CSGALNACT1: variants seen among roughly 807,000 people sequenced by gnomAD.
The protein encoded by CSGALNACT1 is beta4GalNAcT-1.
In CSGALNACT1, 52 loss-of-function variants were observed where a neutral mutation model predicts 51.0. The ratio of observed to expected loss-of-function variants is 1.02; its 90% CI spans 0.82 to 1.29. CSGALNACT1 has a LOEUF of 1.29. CSGALNACT1 is among the 50% of genes most tolerant of loss of function. The pLI is 0.00. For missense variants in CSGALNACT1, 935 were observed against 679.2 expected (o/e 1.38, Z -4.19); for synonymous variants, 341 against 254.4 (o/e 1.34, Z -3.24).
At chr8:19,461,385 T>A (rs1408278899) in intron 4 of CSGALNACT1, among the ~76,000 whole-genome samples, 1 of 152,104 alleles carries the variant, frequency 6.6e-6, no homozygotes, top group African/African-American at 2.4e-5. Flanking sequence ...TGGGGCTGAG[T>A]CTGAAAGCAG....
At chr8:19,436,344 G>C (rs1219041543) in intron 6 of CSGALNACT1, among the ~76,000 whole-genome samples, 1 of 152,136 alleles carries the variant, frequency 6.6e-6, no homozygotes, top group Non-Finnish European at 1.5e-5. Flanking sequence ...CTAACACTGT[G>C]AGTCTAGACC....
intron 1 of CSGALNACT1, among the ~76,000 whole-genome samples, chr8:19,631,058 G>A (rs1269699502): frequency 6.6e-6 from 1 of 152,170 alleles, no homozygotes; most frequent in East Asian, 1.9e-4. Flanking sequence ...ACTTGTAACA[G>A]ACCATTTGTA....
intron 5 of CSGALNACT1, among the ~76,000 whole-genome samples, chr8:19,454,007 A>G (rs1196647297): frequency 6.6e-6 from 1 of 152,170 alleles, no homozygotes; most frequent in Non-Finnish European, 1.5e-5. Flanking sequence ...AAGACTAATG[A>G]AGGAATTTTT....
chr8:19,500,071 G>A (rs893358332), intron 4 of CSGALNACT1, among the ~76,000 whole-genome samples: 1 of 152,176 alleles, frequency 6.6e-6, no homozygotes, highest in East Asian at 1.9e-4. Flanking sequence ...ATCAGCAAAC[G>A]CATGGAGATA....
intron 1 of CSGALNACT1, among the ~76,000 whole-genome samples, chr8:19,652,805 T>C (rs562895081): frequency 6.6e-6 from 1 of 152,312 alleles, no homozygotes; most frequent in East Asian, 1.9e-4. Context: ...GCTATTAACA[T>C]ACTTGACTTC....
intron 3 of CSGALNACT1, among the ~76,000 whole-genome samples, chr8:19,580,086 A>G (rs946839268): frequency 6.6e-6 from 1 of 152,220 alleles, no homozygotes; most frequent in South Asian, 2.1e-4. Context: ...AGCATTCACT[A>G]ATTCCTGGCC....
chr8:19,750,694 G>C (rs2064975196), intron 1 of CSGALNACT1, among the ~76,000 whole-genome samples: 1 of 152,162 alleles, frequency 6.6e-6, no homozygotes, highest in South Asian at 2.1e-4. Context: ...CACCACCAAA[G>C]TCTCAAACCC....
intron 6 of CSGALNACT1, among the ~76,000 whole-genome samples, chr8:19,426,973 T>C (rs1449953945): frequency 6.6e-6 from 1 of 152,236 alleles, no homozygotes; most frequent in African/African-American, 2.4e-5. Flanking sequence ...ATCCAATGTA[T>C]GATTTTAAAT....
At chr8:19,423,890 G>C (rs185823081) in intron 6 of CSGALNACT1, among the ~76,000 whole-genome samples, 67 of 152,328 alleles carry the variant, frequency 4.4e-4, no homozygotes, top group African/African-American at 1.6e-3. Context: ...AGGCTGCACA[G>C]AAAGCCCTGG....
At chr8:19,498,491 C>T (rs2075859418) in intron 4 of CSGALNACT1, among the ~76,000 whole-genome samples, 1 of 152,168 alleles carries the variant, frequency 6.6e-6, no homozygotes, top group Non-Finnish European at 1.5e-5. Flanking sequence ...TTTGCCTGCC[C>T]ATCTCCCCTC....
At chr8:19,520,541 A>G (rs936514363) in intron 3 of CSGALNACT1, among the ~76,000 whole-genome samples, 10 of 152,250 alleles carry the variant, frequency 6.6e-5, no homozygotes, top group African/African-American at 2.4e-4. Flanking sequence ...GCATTAGCTA[A>G]AAAACATTTC....
At chr8:19,540,818 C>G (rs536431898) in intron 3 of CSGALNACT1, among the ~76,000 whole-genome samples, 1 of 152,176 alleles carries the variant, frequency 6.6e-6, no homozygotes, top group African/African-American at 2.4e-5. Context: ...TCTCCCTTTG[C>G]TGGAATAATC....
At chr8:19,564,685 C>A (rs1411785224) in intron 3 of CSGALNACT1, among the ~76,000 whole-genome samples, 1 of 152,228 alleles carries the variant, frequency 6.6e-6, no homozygotes, top group Non-Finnish European at 1.5e-5. Context: ...TCACCTCCTT[C>A]AAGAGGCCTT....
intron 3 of CSGALNACT1, among the ~76,000 whole-genome samples, chr8:19,567,722 C>G (rs150665773): frequency 6.6e-6 from 1 of 151,782 alleles, no homozygotes. Flanking sequence ...ATTTTCTATA[C>G]GTAGAAAATA....
At chr8:19,670,999 A>G (rs1384990655) in intron 1 of CSGALNACT1, among the ~76,000 whole-genome samples, 1 of 152,202 alleles carries the variant, frequency 6.6e-6, no homozygotes, top group Non-Finnish European at 1.5e-5. Flanking sequence ...TCAAACTGAC[A>G]TTAGACGAAA....
At chr8:19,692,146 C>G (rs560548673) in intron 1 of CSGALNACT1, among the ~76,000 whole-genome samples, 1 of 152,126 alleles carries the variant, frequency 6.6e-6, no homozygotes, top group Non-Finnish European at 1.5e-5. Context: ...AGGAACCGCC[C>G]CCATGATCCA....
intron 1 of CSGALNACT1, among the ~76,000 whole-genome samples, chr8:19,699,894 C>T (rs370291783): frequency 2.6e-5 from 4 of 152,038 alleles, no homozygotes; most frequent in African/African-American, 7.2e-5. Context: ...GGACAGATCA[C>T]GAAGTCAGGA....
rs564990848 is a variant in CSGALNACT1 at position 19,707,320 on chromosome 8, C to G, written c.-297+50530G>C. Among the ~76,000 whole-genome samples, 21 of 152,282 alleles carry G rather than the reference C, an allele frequency of 1.4e-4. No homozygotes were observed. In the South Asian group the frequency reaches 2.7e-3, roughly 20 times the overall value. On this transcript the variant is annotated intron_variant, in intron 1 of 1. Transcript: ENST00000517494. ...AACTTTTAAATCTCAATTAATAGCT[C>G]TGTGAACTAAGGGACCCGATAAAAC... is the stretch of plus-strand genomic sequence containing the variant.
intron 1 of CSGALNACT1, among the ~76,000 whole-genome samples, chr8:19,635,627 G>A (rs530343201): frequency 9.9e-5 from 15 of 152,098 alleles, no homozygotes; most frequent in African/African-American, 2.4e-4. Context: ...CCACTTTTTC[G>A]GCATATTGAG....
Sources: gnomAD v4.1 joint callset for allele counts (sites outside exome capture counted in the v4.1 genomes callset) on GRCh38, gnomAD v4.1.1 for gene constraint, MANE v1.5 for transcripts, NCBI Gene and HGNC (gene_info 2026-07-23, HGNC 2026-07-21) for gene names.